Variants in BANK1 observed in about 807,000 individuals in gnomAD.
The protein encoded by BANK1 is B cell scaffold protein with ankyrin repeats 1.
In BANK1, 95 loss-of-function variants were observed where a neutral mutation model predicts 94.5. That is an observed-to-expected ratio of 1.00 (90% CI 0.85 to 1.19). The LOEUF is 1.19. Ranked by LOEUF, BANK1 falls within the 50% of genes most tolerant of loss-of-function variation. BANK1 has a pLI of 0.00. For synonymous variants in BANK1, 334 were observed against 308.4 expected, an observed-to-expected ratio of 1.08 and a Z score of -0.87; for missense variants, 987 against 932.2, an observed-to-expected ratio of 1.06 and a Z score of -0.77.
At chr4:101,886,604 G>C (rs971971140) in intron 5 of BANK1, among the ~76,000 whole-genome samples, 7 of 152,008 alleles carry the variant, frequency 4.6e-5, no homozygotes, top group Non-Finnish European at 1.0e-4. Flanking sequence ...GGTAAGAAAG[G>C]GCATGGTTCT....
chr4:102,060,796 A>G (rs7679670), intron 12 of BANK1, among the ~76,000 whole-genome samples: 1 of 152,202 alleles, frequency 6.6e-6, no homozygotes, highest in Admixed American at 6.5e-5. Context: ...TGCAATAAGT[A>G]TTTATCTTCT....
chr4:101,858,797 T>A (rs1453537186), intron 3 of BANK1, among the ~76,000 whole-genome samples: 1 of 152,206 alleles, frequency 6.6e-6, no homozygotes, highest in Non-Finnish European at 1.5e-5. Flanking sequence ...TTTTATTGAA[T>A]GTTTTTACAA....
chr4:101,917,455 A>G (rs770690950), intron 6 of BANK1, among the ~76,000 whole-genome samples: 18 of 151,996 alleles, frequency 1.2e-4, no homozygotes, highest in Non-Finnish European at 2.5e-4. Context: ...GGAAATTTCC[A>G]CACTGAAGTT....
At chr4:101,894,384 C>G (rs1027856156) in intron 5 of BANK1, among the ~76,000 whole-genome samples, 2 of 152,030 alleles carry the variant, frequency 1.3e-5, no homozygotes, top group Admixed American at 6.6e-5. Context: ...GCACGACTTT[C>G]AAGAAATCCA....
intron 9 of BANK1, among the ~76,000 whole-genome samples, chr4:102,027,998 A>G (rs909732652): frequency 2.0e-5 from 3 of 152,190 alleles, no homozygotes; most frequent in African/African-American, 7.2e-5. Flanking sequence ...ATTTGTTTTA[A>G]TCTTTCTTTA....
intron 6 of BANK1, among the ~76,000 whole-genome samples, chr4:101,898,698 A>C (rs1049033847): frequency 1.3e-5 from 2 of 152,062 alleles, no homozygotes; most frequent in African/African-American, 4.8e-5. Context: ...TTATTGCCGC[A>C]TCCTCAATTT....
rs530722909 is a variant in BANK1 at position 101,816,913 on chromosome 4, C to T, written c.71-12895C>T. On this transcript the variant is annotated intron_variant, in intron 1 of 16. Coordinates refer to ENST00000322953, the MANE Select transcript of BANK1 (RefSeq NM_017935.5). ...TAATTTTCAAATAGAAAGGAGTCAA[C>T]GGAAGAATAAGGAATGGTATTCCTC... Among the ~76,000 whole-genome samples, 217 of 152,196 alleles carry T rather than the reference C, an allele frequency of 1.4e-3. 1 individual carries two copies. The highest frequency in any genetic ancestry group is 5.1e-3 in the African/African-American group (213 of 41,506).
Position 101,855,009 on chromosome 4 carries a change from A to C in BANK1, c.470-26A>C, listed in dbSNP as rs751589909. The C allele has an allele frequency of 1.1e-5, 17 of 1,562,982 alleles. No homozygotes were observed. The Middle Eastern group carries it at 8.5e-4, about 78-fold the overall frequency. On this transcript the variant is annotated intron_variant, in intron 2 of 16. Transcript: ENST00000322953. The stretch of plus-strand genomic sequence containing the variant: ...ATACTGTGGCTTTAGTTATATTATA[A>C]TCTACATTCATAAAATTTTCTCTAG...
At position 101,796,964 on chromosome 4, in the gene BANK1, G is replaced by C. The variant is rs1229235323; in HGVS notation, c.70+6014G>C. ...CTCCTCTGGTATATGAAGAAATATG[G>C]CACCATTAACAGGCCATTAATAAAA... On this transcript the variant is annotated intron_variant, in intron 1 of 16. Transcript: ENST00000322953. Among the ~76,000 whole-genome samples, 5 of 152,054 alleles carry C rather than the reference G, an allele frequency of 3.3e-5. 1 individual carries two copies. Among genetic ancestry groups the C allele is most frequent in the Non-Finnish European group, 4.4e-5 (3 of 67,974 alleles).
chr4:101,829,348 T>G (rs1187660174), intron 1 of BANK1, among the ~76,000 whole-genome samples: 1 of 152,104 alleles, frequency 6.6e-6, no homozygotes, highest in Admixed American at 6.5e-5. Context: ...ATACTGAATC[T>G]TTTCTGTTTT....
intron 7 of BANK1, among the ~76,000 whole-genome samples, chr4:101,970,755 T>C (rs750954236): frequency 1.3e-5 from 2 of 150,122 alleles, no homozygotes; most frequent in Non-Finnish European, 3.0e-5. Context: ...CCCAGATAGA[T>C]GTTTGCTTAG....
At chr4:102,046,165 G>C (rs939181282) in intron 11 of BANK1, among the ~76,000 whole-genome samples, 2 of 151,540 alleles carry the variant, frequency 1.3e-5, no homozygotes, top group Admixed American at 6.6e-5. Context: ...TGATCTTTGA[G>C]AAACCTGAGA....
At chr4:101,933,149 G>A (rs1004086069) in intron 7 of BANK1, among the ~76,000 whole-genome samples, 11 of 151,362 alleles carry the variant, frequency 7.3e-5, no homozygotes, top group Non-Finnish European at 1.2e-4. Context: ...CTTAGCAAAT[G>A]GCTATTTTGA....
At chr4:101,899,613 T>G (rs1217749474) in intron 6 of BANK1, among the ~76,000 whole-genome samples, 2 of 152,190 alleles carry the variant, frequency 1.3e-5, no homozygotes, top group African/African-American at 4.8e-5. Context: ...TCTTCAAAGA[T>G]TCTATATTTC....
chr4:101,900,975 C>T (rs2148893196), intron 6 of BANK1, among the ~76,000 whole-genome samples: 1 of 152,180 alleles, frequency 6.6e-6, no homozygotes, highest in Non-Finnish European at 1.5e-5. Flanking sequence ...AGCAGCCACT[C>T]AAGGTCTTTT....
intron 1 of BANK1, among the ~76,000 whole-genome samples, chr4:101,799,390 T>C (rs1267200089): frequency 6.6e-6 from 1 of 152,186 alleles, no homozygotes; most frequent in Non-Finnish European, 1.5e-5. Flanking sequence ...TGAAGTCAGG[T>C]AGCATGATGC....
At chr4:101,933,425 C>G (rs1723425303) in intron 7 of BANK1, among the ~76,000 whole-genome samples, 1 of 151,324 alleles carries the variant, frequency 6.6e-6, no homozygotes, top group African/African-American at 2.4e-5. Context: ...TTTTACATGG[C>G]TATGCCACTG....
intron 13 of BANK1, among the ~76,000 whole-genome samples, chr4:102,069,049 C>A (rs1402026308): frequency 6.6e-6 from 1 of 151,924 alleles, no homozygotes; most frequent in Non-Finnish European, 1.5e-5. Context: ...AAGGCAGATA[C>A]AGGAGGCAAA....
chr4:101,986,897 G>GTATATATATATATATATA (rs1377407537), intron 7 of BANK1, among the ~76,000 whole-genome samples: 4 of 58,024 alleles, frequency 6.9e-5, no homozygotes, highest in East Asian at 3.6e-4. Flanking sequence ...GTGTGTGTGT[G>GTATATATATATATATATA]TGTATATATA....
Sources: gnomAD v4.1 joint callset for allele counts (sites outside exome capture counted in the v4.1 genomes callset) on GRCh38, gnomAD v4.1.1 for gene constraint, MANE v1.5 for transcripts, NCBI Gene and HGNC (gene_info 2026-07-23, HGNC 2026-07-21) for gene names.